Variants in EPHA4 observed in about 807,000 individuals in gnomAD.
The protein encoded by EPHA4 is ephrin type-A receptor 4.
A neutral mutation model predicts 108.3 loss-of-function variants in EPHA4; 19 were observed. That is an observed-to-expected ratio of 0.18 (90% CI 0.12 to 0.26). The LOEUF is 0.26. EPHA4 is among the 10% of genes least tolerant of loss of function. EPHA4 has a pLI of 1.00. For missense variants in EPHA4, 917 were observed against 1,254.0 expected (o/e 0.73, Z 4.06); for synonymous variants, 449 against 455.5 (o/e 0.99, Z 0.18).
chr2:221,547,417 G>T (rs1694029318), intron 3 of EPHA4, among the ~76,000 whole-genome samples: 1 of 152,096 alleles, frequency 6.6e-6, no homozygotes. Context: ...CTCAAGTTGG[G>T]TCTATGCTTG....
At chr2:221,427,402 T>C (rs531377872) in intron 15 of EPHA4, among the ~76,000 whole-genome samples, 1 of 152,326 alleles carries the variant, frequency 6.6e-6, no homozygotes, top group South Asian at 2.1e-4. Context: ...TCACAAGCAA[T>C]TACAGGCTGG....
At chr2:221,566,028 T>C (rs905232489) in intron 2 of EPHA4, among the ~76,000 whole-genome samples, 8 of 152,218 alleles carry the variant, frequency 5.3e-5, no homozygotes, top group African/African-American at 1.9e-4. Context: ...CTTAGTTTTA[T>C]ATTTCACAGT....
intron 8 of EPHA4, 34 bp downstream of exon 8, chr2:221,455,513 C>A: frequency 1.3e-6 from 2 of 1,507,100 alleles, no homozygotes; most frequent in Non-Finnish European, 1.8e-6. Flanking sequence ...CTGGGAAGGT[C>A]GGGGGCTGCA....
chr2:221,504,631 T>C (rs566651116), intron 3 of EPHA4, among the ~76,000 whole-genome samples: 4 of 152,008 alleles, frequency 2.6e-5, no homozygotes, highest in Non-Finnish European at 4.4e-5. Context: ...GTCTTTATAG[T>C]TCATTTTAAA....
At chr2:221,498,380 C>T (rs1165492683) in intron 4 of EPHA4, among the ~76,000 whole-genome samples, 1 of 152,252 alleles carries the variant, frequency 6.6e-6, no homozygotes, top group South Asian at 2.1e-4. Flanking sequence ...TACTATTGTG[C>T]CCCAGATTCC....
Position 221,436,578 on chromosome 2 carries a change from G to T in EPHA4, c.2167C>A (p.Leu723Met). 6.2e-7 allele frequency: 1 copy of T among 1,614,150 alleles called. No homozygotes were observed. The highest frequency in any genetic ancestry group is 8.5e-7 in the Non-Finnish European group (1 of 1,180,026). The change falls in exon 13 of 18, where the codon CTG becomes ATG. Residue 723 changes from leucine to methionine, a missense_variant. Coordinates refer to ENST00000281821, the MANE Select transcript of EPHA4 (RefSeq NM_004438.5). ...KNDGRFTVIQ[L>M]VGMLRGIGSG... The stretch of plus-strand genomic sequence containing the variant: ...CCAATGCCACGAAGCATGCCCACCA[G>T]CTGAATGACTGTAAATCTGCCATCA...
intron 3 of EPHA4, among the ~76,000 whole-genome samples, chr2:221,527,598 C>T (rs951704580): frequency 3.3e-5 from 5 of 152,132 alleles, no homozygotes; most frequent in African/African-American, 4.8e-5. Flanking sequence ...GGGGTCTGCC[C>T]GACACTGGGC....
At chr2:221,458,185 T>C (rs1691022188) in intron 5 of EPHA4, among the ~76,000 whole-genome samples, 195 bp from the exon 6 acceptor site, 1 of 152,204 alleles carries the variant, frequency 6.6e-6, no homozygotes, top group South Asian at 2.1e-4. Flanking sequence ...CATGTGTTTG[T>C]CTTAAAAAGA....
Position 221,538,224 on chromosome 2 carries a change from A to G in EPHA4, c.823+25507T>C, listed in dbSNP as rs541512958. ...CCTTAGGGATACTGCTCTACCTGTA[A>G]TTTATTTCTACATTATTCTTGTGTG... On this transcript the variant is annotated intron_variant, in intron 3 of 17. Coordinates refer to ENST00000281821, the MANE Select transcript of EPHA4 (RefSeq NM_004438.5). 6.6e-4 allele frequency among the ~76,000 whole-genome samples: 101 copies of G among 152,334 alleles called. 1 individual carries two copies. Among genetic ancestry groups the G allele is most frequent in the Middle Eastern group, 3.4e-3 (1 of 294 alleles).
chr2:221,443,354 T>C, intron 10 of EPHA4, 139 bp downstream of exon 10: 4 of 610,560 alleles, frequency 6.6e-6, no homozygotes, highest in Admixed American at 3.3e-5. Flanking sequence ...TAACACATGA[T>C]ATTTTATACT....
chr2:221,541,976 G>T (rs1236568493), intron 3 of EPHA4, among the ~76,000 whole-genome samples: 1 of 152,104 alleles, frequency 6.6e-6, no homozygotes, highest in African/African-American at 2.4e-5. Context: ...AAAAAAATAT[G>T]ATTTTATACT....
rs1692160001 is a variant in EPHA4 at position 221,491,994 on chromosome 2, C to T, written c.979+9023G>A. On this transcript the variant is annotated intron_variant, in intron 4 of 17. Coordinates refer to ENST00000281821, the MANE Select transcript of EPHA4 (RefSeq NM_004438.5). ...TGCACCACTGGGAGACAGAGTGAGA[C>T]TCTGTCTTAAAAAAAGAAAAAAAGA... Among the ~76,000 whole-genome samples, 3 of 151,956 alleles carry T rather than the reference C, an allele frequency of 2.0e-5. No homozygotes were observed. The South Asian group carries it at 6.3e-4, about 32-fold the overall frequency.
chr2:221,438,352 G>C (rs1479362773), intron 11 of EPHA4, among the ~76,000 whole-genome samples: 1 of 152,012 alleles, frequency 6.6e-6, no homozygotes, highest in African/African-American at 2.4e-5. Context: ...TCTTTCTAAA[G>C]GGTATTTATT....
chr2:221,486,477 T>G (rs1024844958), intron 4 of EPHA4, among the ~76,000 whole-genome samples: 3 of 152,000 alleles, frequency 2.0e-5, no homozygotes, highest in Non-Finnish European at 2.9e-5. Context: ...ACGCCTATAA[T>G]CCCAGCACTT....
At chr2:221,570,324 C>A (rs988932564) in intron 1 of EPHA4, among the ~76,000 whole-genome samples, 5 of 150,394 alleles carry the variant, frequency 3.3e-5, no homozygotes, top group African/African-American at 7.3e-5. Flanking sequence ...CTCCCCCCCC[C>A]CCAAAAAAAG....
At chr2:221,451,528 G>A (rs1235884629) in intron 8 of EPHA4, among the ~76,000 whole-genome samples, 1 of 152,154 alleles carries the variant, frequency 6.6e-6, no homozygotes, top group Admixed American at 6.5e-5. Context: ...ATTTGCTGGA[G>A]AGAATGTACA....
Position 221,564,203 on chromosome 2 carries a change from A to T in EPHA4, c.351T>A (p.Thr117=). 1 of 1,614,160 alleles carries T rather than the reference A, an allele frequency of 6.2e-7. No homozygotes were observed. Among genetic ancestry groups the T allele is most frequent in the Non-Finnish European group, 8.5e-7 (1 of 1,180,028 alleles). Residue 117 remains threonine (T), a synonymous_variant, in exon 3 of 18, where the codon ACT becomes ACA. Transcript: ENST00000281821. The stretch of plus-strand genomic sequence containing the variant: ...AGTACAGGTTAAACGTCTCCTTGCA[A>T]GTCCCCATGACGCCCGGAAGACTAT... The part of the protein sequence containing the change: ...DCNSLPGVMG[T]CKETFNLYYY...
chr2:221,460,683 T>C (rs1339293799), intron 5 of EPHA4, among the ~76,000 whole-genome samples: 1 of 152,206 alleles, frequency 6.6e-6, no homozygotes, highest in Non-Finnish European at 1.5e-5. Flanking sequence ...TATGGGCTTT[T>C]CCCTCACCCT....
intron 8 of EPHA4, among the ~76,000 whole-genome samples, chr2:221,452,250 A>C (rs1326962234): frequency 4.6e-5 from 7 of 152,250 alleles, no homozygotes. Flanking sequence ...TGATTCTAAG[A>C]AGCACAAAGC....
Sources: gnomAD v4.1 joint callset for allele counts (sites outside exome capture counted in the v4.1 genomes callset) on GRCh38, gnomAD v4.1.1 for gene constraint, MANE v1.5 for transcripts, NCBI Gene and HGNC (gene_info 2026-07-23, HGNC 2026-07-21) for gene names.